The following PRKD1 variants were observed in gnomAD, a reference collection of about 807,000 sequenced individuals.
PRKD1 encodes the protein protein kinase D1, also known as serine/threonine-protein kinase D1.
In PRKD1, 63 loss-of-function variants were observed where a neutral mutation model predicts 95.9. The ratio of observed to expected loss-of-function variants is 0.66; its 90% CI spans 0.54 to 0.81. The LOEUF is 0.81. Ranked by LOEUF, PRKD1 falls within the 30% of genes least tolerant of loss-of-function variation. The pLI, the probability that PRKD1 is intolerant of heterozygous loss-of-function variation, is 0.00. For missense variants in PRKD1, 1,048 were observed against 1,165.3 expected, an observed-to-expected ratio of 0.90 and a Z score of 1.47; for synonymous variants, 425 against 423.1, an observed-to-expected ratio of 1.00 and a Z score of -0.05.
rs368486210 is a variant in PRKD1 at position 29,585,289 on chromosome 14, C to G, written c.2435-6929G>C. On this transcript the variant is annotated intron_variant, in intron 16 of 17. Coordinates refer to ENST00000331968, the MANE Select transcript of PRKD1 (RefSeq NM_002742.3). ...CAGAGGCTGCCGGCTGCAAACAAGG[C>G]CACTGGAAATCATCGTCTCACTCAC... is the stretch of plus-strand genomic sequence containing the variant. Among the ~76,000 whole-genome samples, 6 of 152,306 alleles carry G rather than the reference C, an allele frequency of 3.9e-5. 1 individual carries two copies. In the South Asian group the frequency reaches 1.2e-3, roughly 32 times the overall value.
intron 4 of PRKD1, among the ~76,000 whole-genome samples, chr14:29,655,247 C>T (rs1881765407): frequency 6.6e-6 from 1 of 152,180 alleles, no homozygotes; most frequent in East Asian, 1.9e-4. Context: ...TTACACTCAC[C>T]TAGCTTTCAC....
chr14:29,926,406 T>C (rs971636839), intron 1 of PRKD1, among the ~76,000 whole-genome samples: 1 of 152,134 alleles, frequency 6.6e-6, no homozygotes, highest in Non-Finnish European at 1.5e-5. Flanking sequence ...TCCATCTGGA[T>C]GGCTCCAGAG....
intron 1 of PRKD1, among the ~76,000 whole-genome samples, chr14:29,810,200 A>C (rs1454513199): frequency 6.6e-6 from 1 of 152,210 alleles, no homozygotes; most frequent in Non-Finnish European, 1.5e-5. Context: ...AAGTTTGAAA[A>C]ATGGTGATAA....
chr14:29,597,857 T>C, intron 15 of PRKD1, 99 bp from the exon 16 acceptor site: 1 of 1,197,894 alleles, frequency 8.3e-7, no homozygotes. Context: ...TTTTAAATAC[T>C]TTACCTTTAC....
chr14:29,607,905 C>A (rs1878127881), intron 13 of PRKD1, among the ~76,000 whole-genome samples: 1 of 152,124 alleles, frequency 6.6e-6, no homozygotes, highest in Admixed American at 6.6e-5. Context: ...CCTACCACAC[C>A]ATACAAAGAC....
chr14:29,750,636 A>ACT (rs1555341364), intron 1 of PRKD1, among the ~76,000 whole-genome samples: 2 of 151,174 alleles, frequency 1.3e-5, no homozygotes, highest in Non-Finnish European at 2.9e-5. Flanking sequence ...ACACACACAC[A>ACT]CTCACACTCA....
chr14:29,675,792 T>TGCA (rs931064991), intron 2 of PRKD1, among the ~76,000 whole-genome samples: 2 of 151,994 alleles, frequency 1.3e-5, no homozygotes, highest in African/African-American at 4.8e-5. Context: ...TGGAATACTA[T>TGCA]GCCACCATAA....
intron 1 of PRKD1, among the ~76,000 whole-genome samples, chr14:29,734,411 C>CT (rs1462678962): frequency 1.4e-4 from 22 of 151,888 alleles, no homozygotes; most frequent in African/African-American, 4.8e-4. Flanking sequence ...ACTTTGTTGC[C>CT]TTTTTTTAAT....
intron 1 of PRKD1, among the ~76,000 whole-genome samples, chr14:29,854,786 G>T (rs1408018836): frequency 1.3e-5 from 2 of 152,172 alleles, no homozygotes; most frequent in Non-Finnish European, 2.9e-5. Flanking sequence ...TGAGTCCAGG[G>T]TCTCCATGCT....
At chr14:29,889,511 T>A (rs887260035) in intron 1 of PRKD1, among the ~76,000 whole-genome samples, 1 of 152,102 alleles carries the variant, frequency 6.6e-6, no homozygotes, top group African/African-American at 2.4e-5. Flanking sequence ...AATAATAGAC[T>A]GGATGAAGAA....
At chr14:29,692,072 C>T (rs971666861) in intron 2 of PRKD1, among the ~76,000 whole-genome samples, 3 of 152,108 alleles carry the variant, frequency 2.0e-5, no homozygotes, top group Non-Finnish European at 2.9e-5. Flanking sequence ...AAATGTGAAA[C>T]TTAACACACA....
chr14:29,676,945 G>C (rs1409493516), intron 2 of PRKD1, among the ~76,000 whole-genome samples: 1 of 152,010 alleles, frequency 6.6e-6, no homozygotes, highest in Non-Finnish European at 1.5e-5. Context: ...TAAAAATTCG[G>C]TTCCTCAGTC....
chr14:29,767,749 A>G (rs569629250), intron 1 of PRKD1, among the ~76,000 whole-genome samples: 1 of 152,346 alleles, frequency 6.6e-6, no homozygotes, highest in East Asian at 1.9e-4. Flanking sequence ...TCAGTCAACA[A>G]ACACCTCAGA....
At chr14:29,671,511 A>C (rs1163272924) in intron 2 of PRKD1, among the ~76,000 whole-genome samples, 2 of 152,236 alleles carry the variant, frequency 1.3e-5, no homozygotes, top group African/African-American at 4.8e-5. Context: ...AGAAATAAAT[A>C]GTTTAATGCT....
intron 2 of PRKD1, among the ~76,000 whole-genome samples, chr14:29,685,885 AC>A (rs1883836567): frequency 6.6e-6 from 1 of 152,158 alleles, no homozygotes; most frequent in Non-Finnish European, 1.5e-5. Flanking sequence ...AGAAATAGAA[AC>A]TTTTTTAACT....
chr14:29,719,052 T>G (rs1009768568), intron 2 of PRKD1, among the ~76,000 whole-genome samples: 2 of 152,086 alleles, frequency 1.3e-5, no homozygotes, highest in Non-Finnish European at 2.9e-5. Flanking sequence ...AATTTGCACT[T>G]TCTATAAAAG....
chr14:29,898,552 T>A (rs1197732419), intron 1 of PRKD1, among the ~76,000 whole-genome samples: 1 of 152,182 alleles, frequency 6.6e-6, no homozygotes, highest in African/African-American at 2.4e-5. Flanking sequence ...TCATTACATA[T>A]GACACTGTGT....
chr14:29,808,883 AT>A lies in PRKD1; in HGVS notation c.265-83210del, dbSNP rs369319550. Among the ~76,000 whole-genome samples, 397 of 152,326 alleles carry A rather than the reference AT, an allele frequency of 2.6e-3. 1 individual carries two copies. The highest frequency in any genetic ancestry group is 9.2e-3 in the African/African-American group (383 of 41,578). ...ATTCTTAATGGCATTTAGAATGGTGATTCCTATCCAAAATGTTTTCAATTTA... is the reference window on the plus strand; with the variant it reads ...ATTCTTAATGGCATTTAGAATGGTGATCCTATCCAAAATGTTTTCAATTTA... On this transcript the variant is annotated intron_variant, in intron 1 of 17. Coordinates refer to ENST00000331968, the MANE Select transcript of PRKD1 (RefSeq NM_002742.3).
At chr14:29,657,957 C>T (rs562210041) in intron 4 of PRKD1, 1 of 152,186 alleles carries the variant, frequency 6.6e-6, no homozygotes, top group Non-Finnish European at 1.5e-5. Flanking sequence ...AGCTCAAGGG[C>T]AACAACCACT....
Sources: allele counts gnomAD v4.1 joint callset (sites outside exome capture counted in the v4.1 genomes callset), GRCh38; gene constraint gnomAD v4.1.1; transcripts MANE v1.5; gene names NCBI Gene and HGNC (gene_info 2026-07-23, HGNC 2026-07-21).